The following INA variants were observed in gnomAD, a reference collection of about 807,000 sequenced individuals.
INA encodes the protein alpha-internexin.
Under a neutral mutation model 40.1 loss-of-function variants are expected in INA, and 35 were observed. The observed-to-expected ratio is 0.87, with a 90% CI of 0.67 to 1.16. The LOEUF is 1.16. Ranked by LOEUF, INA falls within the 50% of genes most tolerant of loss-of-function variation. INA has a pLI of 0.00. For missense variants in INA, 594 were observed against 686.7 expected (o/e 0.87, Z 1.51); for synonymous variants, 290 against 316.9 (o/e 0.92, Z 0.90).
At chr10:103,287,606 A>T (rs2093089278) in intron 2 of INA, among the ~76,000 whole-genome samples, 2 of 151,560 alleles carry the variant, frequency 1.3e-5, no homozygotes, top group South Asian at 4.2e-4. Context: ...GTGGTGGCAC[A>T]CACCTGCAGT....
At position 103,277,580 on chromosome 10, in the gene INA, G is replaced by C. The variant is rs773485443; in HGVS notation, c.369G>C (p.Glu123Asp). The change falls in exon 1 of 3, where the codon GAG (glutamate) becomes GAC (aspartate). Residue 123 changes from glutamate to aspartate, a missense_variant. By Grantham distance (45) the Glu-to-Asp change is conservative. This residue lies in a region of INA where 215 missense variants were observed against 190.6 expected (regional missense o/e 1.13). Coordinates refer to ENST00000369849, the MANE Select transcript of INA (RefSeq NM_032727.4). The surrounding 1 kb of genome is among the most constrained non-coding windows in gnomAD (Gnocchi z 5.6). Reference protein sequence around the residue: ...HQLETQNRALEAELAALRQRH... With the variant: ...HQLETQNRALDAELAALRQRH... ...TGGAGACGCAGAACCGCGCGTTGGAGGCCGAGCTGGCCGCGCTGCGACAGC... is the reference window on the plus strand; with the variant it reads ...TGGAGACGCAGAACCGCGCGTTGGACGCCGAGCTGGCCGCGCTGCGACAGC... 23 of 1,562,872 alleles carry C rather than the reference G, an allele frequency of 1.5e-5. No homozygotes were observed. Among genetic ancestry groups the C allele is most frequent in the Non-Finnish European group, 1.8e-5 (21 of 1,161,374 alleles).
Position 103,278,150 on chromosome 10 carries a change from C to A in INA, c.939C>A (p.His313Gln). Residue 313 changes from histidine to glutamine, a missense_variant, in exon 1 of 3, where the codon CAC (histidine) becomes CAA (glutamine). Physicochemically the swap from His to Gln is conservative, Grantham distance 24. Coordinates refer to ENST00000369849, the MANE Select transcript of INA (RefSeq NM_032727.4). This position sits in a 1 kb window ranked among gnomAD's most constrained non-coding sequence, Gnocchi z 4.9. The stretch of plus-strand genomic sequence containing the variant: ...TCCGGGCCAGCCGCGAGGAGATCCA[C>A]GAGTATCGGCGCCAGCTGCAGGCGC... ...EAIRASREEI[H>Q]EYRRQLQART... is the part of the protein sequence containing the mutation. 1 of 1,612,818 alleles carries A rather than the reference C, an allele frequency of 6.2e-7. No individual in the cohort carries two copies. Among genetic ancestry groups the A allele is most frequent in the Non-Finnish European group, 8.5e-7 (1 of 1,179,814 alleles).
In INA at chr10:103,278,207, C is replaced by G; in HGVS notation, c.996C>G (p.Ala332=). ...RTIEIEGLRG[A]NESLERQILE... Reference sequence around the variant, plus strand: ...TCGAGATCGAGGGCCTGCGCGGGGCCAACGAGTCCTTGGAGAGGCAGATCC... The same window carrying G: ...TCGAGATCGAGGGCCTGCGCGGGGCGAACGAGTCCTTGGAGAGGCAGATCC... Residue 332 remains alanine (A), a synonymous_variant, in exon 1 of 3, where the codon GCC becomes GCG. Coordinates refer to ENST00000369849, the MANE Select transcript of INA (RefSeq NM_032727.4). The surrounding 1 kb of genome is among the most constrained non-coding windows in gnomAD (Gnocchi z 4.9). 6.2e-7 allele frequency: 1 copy of G among 1,603,156 alleles called. No individual in the cohort carries two copies. The highest frequency in any genetic ancestry group is 8.5e-7 in the Non-Finnish European group (1 of 1,175,666).
intron 1 of INA, among the ~76,000 whole-genome samples, chr10:103,279,306 T>G (rs2093067844): frequency 6.6e-6 from 1 of 152,212 alleles, no homozygotes; most frequent in African/African-American, 2.4e-5. Context: ...GTGCATGTGA[T>G]AAGTCACAGA....
chr10:103,281,836 C>T (rs1337361214), intron 1 of INA, among the ~76,000 whole-genome samples: 2 of 152,222 alleles, frequency 1.3e-5, no homozygotes, highest in African/African-American at 2.4e-5. Context: ...CCACGGGCTG[C>T]GATGCTCAGA....
chr10:103,280,326 GC>G, intron 1 of INA: 19 of 985,404 alleles, frequency 1.9e-5, no homozygotes, highest in Non-Finnish European at 2.3e-5. Context: ...GGGACCTAAG[GC>G]TAAGGTGGAG....
In INA at chr10:103,278,069, G is replaced by A. The variant is rs776042492; in HGVS notation, c.858G>A (p.Trp286Ter). ...AAKNLQSAEE[W>*]YKSKFANLNE... ...AGAACCTGCAGTCCGCGGAAGAATG[G>A]TACAAGTCCAAGTTTGCCAACCTGA... Residue 286 changes from tryptophan (W) to a stop codon, truncating the protein, a stop_gained, in exon 1 of 3, where the codon TGG (tryptophan) becomes TGA (stop). Transcript: ENST00000369849. LOFTEE classifies it high-confidence loss of function. This position sits in a 1 kb window ranked among gnomAD's most constrained non-coding sequence, Gnocchi z 4.9. 1 of 1,613,760 alleles carries A rather than the reference G, an allele frequency of 6.2e-7. No homozygotes were observed. The highest frequency in any genetic ancestry group is 2.2e-5 in the East Asian group (1 of 44,868).
intron 1 of INA, among the ~76,000 whole-genome samples, chr10:103,285,980 T>C (rs1564715725): frequency 2.6e-5 from 4 of 151,582 alleles, no homozygotes. Flanking sequence ...ATAGAGGAAA[T>C]AACAAGCCTG....
At chr10:103,286,407 C>T (rs114465130) in intron 1 of INA, among the ~76,000 whole-genome samples, 1,932 of 148,744 alleles carry the variant, frequency 0.013, 33 homozygotes, top group African/African-American at 0.044. Flanking sequence ...AAATATAAAG[C>T]GATTTCTCTT....
chr10:103,282,109 C>T lies in INA; in HGVS notation c.1065+3833C>T, dbSNP rs112609200. 6.4e-3 allele frequency among the ~76,000 whole-genome samples: 975 copies of T among 152,288 alleles called. 9 individuals are homozygous for T. The highest frequency in any genetic ancestry group is 0.021 in the African/African-American group (867 of 41,556). On this transcript the variant is annotated intron_variant, in intron 1 of 2. Transcript: ENST00000369849. Reference sequence around the variant, plus strand: ...CAGACATTGAAGAGCAATCAATGGTCAGAACACAGCACACTTCCTTCTGAA... The same window carrying T: ...CAGACATTGAAGAGCAATCAATGGTTAGAACACAGCACACTTCCTTCTGAA...
chr10:103,280,443 CA>C, intron 1 of INA: 1 of 985,464 alleles, frequency 1.0e-6, no homozygotes, highest in Non-Finnish European at 1.2e-6. Context: ...TCCCTTTCTA[CA>C]GTGAGATTTA....
Position 103,287,128 on chromosome 10 carries a change from A to T in INA, c.1159A>T (p.Met387Leu). 6.2e-7 allele frequency: 1 copy of T among 1,613,826 alleles called. No individual in the cohort carries two copies. Among genetic ancestry groups the T allele is most frequent in the Non-Finnish European group, 8.5e-7 (1 of 1,179,890 alleles). ...REYQDLLNVK[M>L]ALDIEIAAYR... ...ATACCAGGACTTGCTCAATGTCAAA[A>T]TGGCTCTTGACATTGAGATAGCAGC... The change falls in exon 2 of 3, where the codon ATG (methionine) becomes TTG (leucine). Residue 387 changes from methionine (M) to leucine (L), a missense_variant. Met to Leu is a conservative substitution (Grantham distance 15). This residue lies in a region of INA where 379 missense variants were observed against 496.1 expected (regional missense o/e 0.76). Transcript: ENST00000369849.
chr10:103,285,523 C>T (rs140642742), intron 1 of INA, among the ~76,000 whole-genome samples: 17 of 144,904 alleles, frequency 1.2e-4, no homozygotes, highest in African/African-American at 2.3e-4. Context: ...CTCGAACTCC[C>T]GACTCCAGGT....
In INA at chr10:103,277,981, C is replaced by T. The variant is rs1010171918; in HGVS notation, c.770C>T (p.Ala257Val). 27 of 1,585,272 alleles carry T rather than the reference C, an allele frequency of 1.7e-5. No homozygotes were observed. The highest frequency in any genetic ancestry group is 2.3e-5 in the Non-Finnish European group (27 of 1,166,864). ...QAAAEVDVTV[A>V]KPDLTSALRE... ...GCGGCCGAGGTGGACGTGACTGTGG[C>T]TAAACCAGACCTGACCTCGGCTCTG... Residue 257 changes from alanine (A) to valine (V), a missense_variant, in exon 1 of 3, where the codon GCT (alanine) becomes GTT (valine). Ala to Val is a moderately conservative substitution (Grantham distance 64). Around this residue, in one of 2 missense-constraint regions of INA, gnomAD observed 379 missense variants for 496.1 expected, o/e 0.76. Coordinates refer to ENST00000369849, the MANE Select transcript of INA (RefSeq NM_032727.4). This position sits in a 1 kb window ranked among gnomAD's most constrained non-coding sequence, Gnocchi z 5.6.
Position 103,288,403 on chromosome 10 carries a change from T to C in INA, c.1234T>C (p.Leu412=). 6.2e-7 allele frequency: 1 copy of C among 1,611,974 alleles called. No individual in the cohort carries two copies. Among genetic ancestry groups the C allele is most frequent in the South Asian group, 1.1e-5 (1 of 90,958 alleles). Reference sequence around the variant, plus strand: ...GGAGACACGTTTTAGCACCAGTGGGTTAAGCATTTCGGGGCTGAATCCACT... The same window carrying C: ...GGAGACACGTTTTAGCACCAGTGGGCTAAGCATTTCGGGGCTGAATCCACT... ...GEETRFSTSG[L]SISGLNPLPN... Residue 412 remains leucine, a synonymous_variant, in exon 3 of 3, where the codon TTA becomes CTA. Transcript: ENST00000369849.
Position 103,278,903 on chromosome 10 carries a change from G to GCACA in INA, c.1065+655_1065+658dup, listed in dbSNP as rs369168949. Among the ~76,000 whole-genome samples the GCACA allele has an allele frequency of 0.015, 2,121 of 136,848 alleles. 31 individuals are homozygous for GCACA. Among genetic ancestry groups the GCACA allele is most frequent in the African/African-American group, 0.027 (981 of 36,700 alleles). The allele number at this position is 136,848 out of a possible 152,430, so 89.8% of individuals were successfully genotyped here. Reference sequence around the variant, plus strand: ...ACACACACGATTCCCTTGTCCACCAGCACACACACACACACACACACACAC... The same window carrying GCACA: ...ACACACACGATTCCCTTGTCCACCAGCACACACACACACACACACACACACACAC... On this transcript the variant is annotated intron_variant, in intron 1 of 2. Coordinates refer to ENST00000369849, the MANE Select transcript of INA (RefSeq NM_032727.4). The surrounding 1 kb of genome is among the most constrained non-coding windows in gnomAD (Gnocchi z 4.9).
intron 1 of INA, among the ~76,000 whole-genome samples, chr10:103,284,684 G>A (rs893794730): frequency 1.3e-5 from 2 of 152,082 alleles, no homozygotes; most frequent in South Asian, 2.1e-4. Context: ...AACCCAGGTG[G>A]TGGAGGTTGC....
At chr10:103,283,908 G>A (rs368353744) in intron 1 of INA, among the ~76,000 whole-genome samples, 3 of 151,826 alleles carry the variant, frequency 2.0e-5, no homozygotes, top group East Asian at 1.9e-4. Context: ...ACGCCACCAC[G>A]CCCAGCTAAT....
intron 1 of INA, among the ~76,000 whole-genome samples, chr10:103,282,878 A>G (rs1281151357): frequency 6.6e-6 from 1 of 152,190 alleles, no homozygotes. Context: ...TATATCATCA[A>G]AAGGATAGAG....
Sources: allele counts gnomAD v4.1 joint callset (sites outside exome capture counted in the v4.1 genomes callset), GRCh38; gene constraint gnomAD v4.1.1; regional missense constraint gnomAD v4.1.1; non-coding constraint Gnocchi (gnomAD v3.1); transcripts MANE v1.5; gene names NCBI Gene and HGNC (gene_info 2026-07-23, HGNC 2026-07-21).